ARID1B: variants seen among roughly 807,000 people sequenced by gnomAD.
The protein encoded by ARID1B is AT-rich interaction domain 1B.
ARID1B carries 30 observed loss-of-function variants against 212.3 expected under a neutral mutation model. That is an observed-to-expected ratio of 0.14 (90% CI 0.11 to 0.19). The LOEUF (loss-of-function observed/expected upper bound fraction) is 0.19. Among genes scored for constraint, ARID1B ranks in the 10% least tolerant of loss-of-function variants. ARID1B has a pLI of 1.00. For missense variants in ARID1B, 2,891 were observed against 3,204.0 expected, an observed-to-expected ratio of 0.90 and a Z score of 2.36; for synonymous variants, 1,402 against 1,301.7, an observed-to-expected ratio of 1.08 and a Z score of -1.66.
At chr6:156,812,731 A>C (rs1781636315) in intron 1 of ARID1B, among the ~76,000 whole-genome samples, 1 of 151,886 alleles carries the variant, frequency 6.6e-6, no homozygotes, top group South Asian at 2.1e-4. Flanking sequence ...AAGTTTCCTT[A>C]CACCCCTTCC....
intron 1 of ARID1B, among the ~76,000 whole-genome samples, chr6:156,794,570 CTTTTTTTTTT>C (rs34848808): frequency 5.9e-5 from 4 of 67,974 alleles, no homozygotes; most frequent in South Asian, 6.2e-4. Context: ...CTGGCACATT[CTTTTTTTTTT>C]TTTTTTTTTT....
intron 4 of ARID1B, among the ~76,000 whole-genome samples, chr6:157,010,121 T>C (rs1016537223): frequency 4.6e-5 from 7 of 152,132 alleles, no homozygotes; most frequent in African/African-American, 1.7e-4. Flanking sequence ...CCTAAAGTGA[T>C]CACACTTATA....
At chr6:157,096,604 G>T (rs1194570212) in intron 5 of ARID1B, among the ~76,000 whole-genome samples, 3 of 152,234 alleles carry the variant, frequency 2.0e-5, no homozygotes, top group Non-Finnish European at 2.9e-5. Flanking sequence ...TCTGTGGCCT[G>T]CACAGCCCTC....
intron 13 of ARID1B, chr6:157,184,699 C>T (rs888625381): frequency 1.5e-5 from 8 of 535,682 alleles, no homozygotes; most frequent in Non-Finnish European, 2.4e-5. Flanking sequence ...AACAGGCTTT[C>T]GAATTCTAAG....
intron 2 of ARID1B, among the ~76,000 whole-genome samples, chr6:156,900,262 A>G (rs1157731040): frequency 1.3e-5 from 2 of 152,228 alleles, no homozygotes; most frequent in South Asian, 2.1e-4. Context: ...AAAGAAATAT[A>G]GGAACTTTAA....
intron 4 of ARID1B, among the ~76,000 whole-genome samples, chr6:157,081,003 A>G (rs1263603548): frequency 6.6e-6 from 1 of 152,258 alleles, no homozygotes; most frequent in Admixed American, 6.5e-5. Flanking sequence ...ACCAAATCAC[A>G]TGATGATAGC....
At chr6:156,877,285 T>C (rs987717153) in intron 2 of ARID1B, among the ~76,000 whole-genome samples, 6 of 152,230 alleles carry the variant, frequency 3.9e-5, no homozygotes, top group African/African-American at 1.4e-4. Flanking sequence ...CCTGTCTTCC[T>C]GTTCACCCCT....
intron 3 of ARID1B, among the ~76,000 whole-genome samples, chr6:156,908,403 A>G (rs1789583322): frequency 6.6e-6 from 1 of 152,148 alleles, no homozygotes; most frequent in South Asian, 2.1e-4. Context: ...AGGCATTTTA[A>G]TTCATAATGG....
chr6:156,856,696 TCTCTCA>T (rs1459121328), intron 2 of ARID1B, among the ~76,000 whole-genome samples: 871 of 84,208 alleles, frequency 0.01, 4 homozygotes, highest in South Asian at 0.035. Context: ...TCTCTCTCTC[TCTCTCA>T]CACACACACA....
intron 4 of ARID1B, among the ~76,000 whole-genome samples, chr6:156,968,787 C>T (rs1284879425): frequency 6.6e-6 from 1 of 152,248 alleles, no homozygotes; most frequent in Non-Finnish European, 1.5e-5. Flanking sequence ...GGAGTCAAGG[C>T]TCCTTCCTCA....
chr6:157,087,054 T>A (rs1009894941), intron 5 of ARID1B, among the ~76,000 whole-genome samples: 1 of 152,252 alleles, frequency 6.6e-6, no homozygotes, highest in African/African-American at 2.4e-5. Context: ...ATTGCTTCAC[T>A]GTACTATTCC....
intron 2 of ARID1B, among the ~76,000 whole-genome samples, chr6:156,876,088 A>C (rs1042963819): frequency 1.1e-4 from 17 of 152,204 alleles, no homozygotes; most frequent in African/African-American, 4.1e-4. Flanking sequence ...GAAAAAATTT[A>C]GAGTTGTATC....
intron 4 of ARID1B, among the ~76,000 whole-genome samples, chr6:157,073,263 T>C (rs112915678): frequency 0.23 from 35,379 of 151,840 alleles, 4,436 homozygotes; most frequent in African/African-American, 0.31. Flanking sequence ...CCACAACACC[T>C]GCCTAAATTT....
intron 3 of ARID1B, among the ~76,000 whole-genome samples, chr6:156,929,295 G>A (rs944511039): frequency 2.6e-5 from 4 of 152,274 alleles, no homozygotes; most frequent in African/African-American, 7.2e-5. Flanking sequence ...GATTTATATC[G>A]CTTTCCTTTT....
At chr6:157,165,945 G>A (rs1395035443) in intron 8 of ARID1B, 1 of 152,190 alleles carries the variant, frequency 6.6e-6, no homozygotes, top group African/African-American at 2.4e-5. Context: ...TAGCTTAATG[G>A]TGGTGGAGGG....
chr6:157,079,842 A>G (rs1784531707), intron 4 of ARID1B, among the ~76,000 whole-genome samples: 1 of 152,262 alleles, frequency 6.6e-6, no homozygotes, highest in South Asian at 2.1e-4. Context: ...GTGAGGGTGT[A>G]GTTGAAGAGA....
At chr6:156,918,622 T>C (rs1790543630) in intron 3 of ARID1B, among the ~76,000 whole-genome samples, 1 of 152,242 alleles carries the variant, frequency 6.6e-6, no homozygotes, top group Non-Finnish European at 1.5e-5. Context: ...GAACCATTGC[T>C]GAGGGAGATT....
At chr6:157,106,267 C>G (rs1786471612) in intron 5 of ARID1B, among the ~76,000 whole-genome samples, 1 of 152,124 alleles carries the variant, frequency 6.6e-6, no homozygotes, top group Non-Finnish European at 1.5e-5. Context: ...CAGCTTAAAA[C>G]AAGGCACATT....
intron 2 of ARID1B, among the ~76,000 whole-genome samples, chr6:156,844,846 T>G (rs1318412142): frequency 1.3e-5 from 2 of 152,212 alleles, no homozygotes; most frequent in Admixed American, 6.5e-5. Flanking sequence ...CTGTACAACT[T>G]TCTGTTATCC....
Sources: allele counts gnomAD v4.1 joint callset (sites outside exome capture counted in the v4.1 genomes callset), GRCh38; gene constraint gnomAD v4.1.1; transcripts MANE v1.5; gene names NCBI Gene and HGNC (gene_info 2026-07-23, HGNC 2026-07-21).